SETBP1: variants seen among roughly 807,000 people sequenced by gnomAD.
SETBP1 encodes SET-binding protein.
A neutral mutation model predicts 101.0 loss-of-function variants in SETBP1; 9 were observed. The observed-to-expected ratio is 0.09, with a 90% CI of 0.05 to 0.16. The LOEUF (loss-of-function observed/expected upper bound fraction) is 0.16. Ranked by LOEUF, SETBP1 falls within the 10% of genes least tolerant of loss-of-function variation. SETBP1 has a pLI of 1.00. For missense variants in SETBP1, 1,858 were observed against 2,033.8 expected (o/e 0.91, Z 1.66); for synonymous variants, 818 against 788.5 (o/e 1.04, Z -0.63).
At chr18:45,052,898 A>C (rs10502852) in intron 5 of SETBP1, among the ~76,000 whole-genome samples, 4,662 of 152,188 alleles carry the variant, frequency 0.031, 217 homozygotes, top group African/African-American at 0.1. Flanking sequence ...AAATCTGAGA[A>C]CTCTTTTGAG....
At chr18:44,945,676 G>A (rs892900538) in intron 3 of SETBP1, among the ~76,000 whole-genome samples, 5 of 152,182 alleles carry the variant, frequency 3.3e-5, no homozygotes, top group Non-Finnish European at 7.3e-5. Context: ...GTCATTGACT[G>A]TTCCCTCACA....
At chr18:44,745,464 T>G (rs1053348413) in intron 2 of SETBP1, among the ~76,000 whole-genome samples, 1 of 152,168 alleles carries the variant, frequency 6.6e-6, no homozygotes, top group Non-Finnish European at 1.5e-5. Flanking sequence ...AAGACCCAGT[T>G]TCTTCACCAG....
intron 5 of SETBP1, among the ~76,000 whole-genome samples, chr18:45,057,146 G>T (rs1196345958): frequency 1.3e-5 from 2 of 152,054 alleles, no homozygotes; most frequent in Non-Finnish European, 2.9e-5. Flanking sequence ...ATAACAAGCA[G>T]CAACTCAGAT....
chr18:45,062,103 C>T (rs2073899397), intron 5 of SETBP1, among the ~76,000 whole-genome samples: 1 of 152,182 alleles, frequency 6.6e-6, no homozygotes, highest in Non-Finnish European at 1.5e-5. Context: ...GAATGATCTG[C>T]AGGAGGAATG....
At chr18:44,798,329 T>C (rs2071526514) in intron 2 of SETBP1, among the ~76,000 whole-genome samples, 1 of 152,154 alleles carries the variant, frequency 6.6e-6, no homozygotes, top group Non-Finnish European at 1.5e-5. Flanking sequence ...AAGCCATTCA[T>C]TTTACTCATG....
chr18:44,948,946 C>G (rs899724160), intron 3 of SETBP1, among the ~76,000 whole-genome samples: 12 of 152,060 alleles, frequency 7.9e-5, no homozygotes, highest in African/African-American at 2.7e-4. Flanking sequence ...AGGGGAAACA[C>G]AGTTGACAAA....
chr18:44,746,087 G>GTC (rs2070239394), intron 2 of SETBP1, among the ~76,000 whole-genome samples: 1 of 152,140 alleles, frequency 6.6e-6, no homozygotes, highest in African/African-American at 2.4e-5. Context: ...TCTTGAAGGT[G>GTC]TCTATGTTGT....
chr18:44,875,527 CAAAAAAAAAA>C (rs10645515), intron 3 of SETBP1, among the ~76,000 whole-genome samples: 11 of 61,618 alleles, frequency 1.8e-4, no homozygotes, highest in African/African-American at 7.3e-4. Context: ...GACTCCATCT[CAAAAAAAAAA>C]AAAAAAAAAA....
At chr18:44,753,710 A>G (rs2070435708) in intron 2 of SETBP1, among the ~76,000 whole-genome samples, 1 of 152,246 alleles carries the variant, frequency 6.6e-6, no homozygotes, top group Non-Finnish European at 1.5e-5. Flanking sequence ...ATGGGTGGAA[A>G]TCAAGTCAAG....
intron 1 of SETBP1, among the ~76,000 whole-genome samples, chr18:44,686,780 A>G (rs1008161998): frequency 6.6e-6 from 1 of 152,136 alleles, no homozygotes; most frequent in African/African-American, 2.4e-5. Flanking sequence ...ATTGCTTTTT[A>G]TATTTTTGGC....
chr18:44,999,174 A>T (rs564593457), intron 4 of SETBP1, among the ~76,000 whole-genome samples: 2 of 152,110 alleles, frequency 1.3e-5, no homozygotes, highest in African/African-American at 4.8e-5. Flanking sequence ...ATTCCAAGTT[A>T]TCGGATGATA....
chr18:44,797,209 C>T (rs190592099), intron 2 of SETBP1, among the ~76,000 whole-genome samples: 146 of 152,222 alleles, frequency 9.6e-4, no homozygotes, highest in Middle Eastern at 6.8e-3. Context: ...TAAGTGTTGA[C>T]GTATTGGTTT....
intron 2 of SETBP1, among the ~76,000 whole-genome samples, chr18:44,837,590 G>C (rs2072524924): frequency 6.6e-6 from 1 of 152,128 alleles, no homozygotes. Flanking sequence ...TGGGAGAAAG[G>C]CTCAGCCTCA....
At chr18:44,765,537 A>G (rs1249580480) in intron 2 of SETBP1, among the ~76,000 whole-genome samples, 1 of 152,214 alleles carries the variant, frequency 6.6e-6, no homozygotes, top group Non-Finnish European at 1.5e-5. Context: ...CCCTGTGGAA[A>G]TGGTATCCAG....
chr18:45,032,949 G>A (rs1895176958), intron 4 of SETBP1, among the ~76,000 whole-genome samples: 1 of 152,010 alleles, frequency 6.6e-6, no homozygotes, highest in Non-Finnish European at 1.5e-5. Flanking sequence ...TAAATCTTGG[G>A]GAAAAGGGCC....
At chr18:44,717,998 T>A (rs936457186) in intron 2 of SETBP1, among the ~76,000 whole-genome samples, 1 of 152,204 alleles carries the variant, frequency 6.6e-6, no homozygotes, top group Non-Finnish European at 1.5e-5. Flanking sequence ...TTATAAGAAA[T>A]GTAGCAACTT....
chr18:44,962,583 T>G (rs555494751), intron 4 of SETBP1, among the ~76,000 whole-genome samples: 1 of 152,076 alleles, frequency 6.6e-6, no homozygotes, highest in Non-Finnish European at 1.5e-5. Flanking sequence ...GCGAGAATAA[T>G]GGGAGTTATG....
chr18:44,897,496 A>T (rs897059365), intron 3 of SETBP1, among the ~76,000 whole-genome samples: 1 of 152,160 alleles, frequency 6.6e-6, no homozygotes, highest in Non-Finnish European at 1.5e-5. Context: ...TCCTCCCAGC[A>T]TGTGGTCTGG....
chr18:44,917,493 C>T (rs2070458048), intron 3 of SETBP1, among the ~76,000 whole-genome samples: 1 of 152,092 alleles, frequency 6.6e-6, no homozygotes, highest in African/African-American at 2.4e-5. Flanking sequence ...TTTTTTAACC[C>T]AGGACCAAGT....
Sources: allele counts gnomAD v4.1 joint callset (sites outside exome capture counted in the v4.1 genomes callset), GRCh38; gene constraint gnomAD v4.1.1; transcripts MANE v1.5; gene names NCBI Gene and HGNC (gene_info 2026-07-23, HGNC 2026-07-21).